The following ANKRD30BL variants were observed in gnomAD, a reference collection of about 807,000 sequenced individuals.
ANKRD30BL encodes ankyrin repeat domain 30B like.
A neutral mutation model predicts 18.4 loss-of-function variants in ANKRD30BL; 20 were observed. That is an observed-to-expected ratio of 1.09 (90% CI 0.77 to 1.58). ANKRD30BL has a LOEUF of 1.58. Among genes scored for constraint, ANKRD30BL ranks in the 40% most tolerant of loss-of-function variants. The pLI, the probability that ANKRD30BL is intolerant of heterozygous loss-of-function variation, is 0.00. For synonymous variants in ANKRD30BL, 72 were observed against 100.9 expected, an observed-to-expected ratio of 0.71 and a Z score of 1.72; for missense variants, 224 against 268.6, an observed-to-expected ratio of 0.83 and a Z score of 1.16.
chr2:132,222,222 G>GC (rs1679711803), intron 1 of ANKRD30BL, among the ~76,000 whole-genome samples: 1 of 146,908 alleles, frequency 6.8e-6, no homozygotes, highest in South Asian at 2.1e-4. Flanking sequence ...GGGGGGGTCA[G>GC]CCCCCCGCCC....
chr2:132,225,630 C>T (rs78320527), intron 1 of ANKRD30BL, among the ~76,000 whole-genome samples: 18 of 151,784 alleles, frequency 1.2e-4, no homozygotes, highest in African/African-American at 1.4e-4. Flanking sequence ...ATATTTGGAA[C>T]GCGTTGAGGC....
At chr2:132,159,349 T>C (rs780082591) in intron 1 of ANKRD30BL, among the ~76,000 whole-genome samples, 43 of 152,276 alleles carry the variant, frequency 2.8e-4, no homozygotes, top group Non-Finnish European at 6.0e-4. Context: ...TTTGAAAAGT[T>C]ATCTGCAACT....
At chr2:132,252,388 C>T (rs79155285) in intron 1 of ANKRD30BL, among the ~76,000 whole-genome samples, 1 of 152,236 alleles carries the variant, frequency 6.6e-6, no homozygotes, top group African/African-American at 2.4e-5. Context: ...CCAGAGCTGG[C>T]GGTGGGCACA....
At chr2:132,208,235 T>C (rs2104754143) in intron 1 of ANKRD30BL, among the ~76,000 whole-genome samples, 1 of 152,270 alleles carries the variant, frequency 6.6e-6, no homozygotes, top group Middle Eastern at 3.4e-3. Context: ...TTGCATTTTA[T>C]TTAGAATACA....
chr2:132,237,425 T>C (rs74508268), intron 1 of ANKRD30BL, among the ~76,000 whole-genome samples: 1 of 151,972 alleles, frequency 6.6e-6, no homozygotes, highest in South Asian at 2.1e-4. Context: ...GCATTGAGGA[T>C]TTCGTTGGAA....
intron 1 of ANKRD30BL, among the ~76,000 whole-genome samples, chr2:132,255,764 C>T (rs1211731064): frequency 2.0e-5 from 3 of 152,134 alleles, no homozygotes; most frequent in Non-Finnish European, 4.4e-5. Flanking sequence ...GCTCCTTCTC[C>T]AGAATTGAAC....
At chr2:132,194,205 C>G (rs1678918985) in intron 1 of ANKRD30BL, among the ~76,000 whole-genome samples, 1 of 152,146 alleles carries the variant, frequency 6.6e-6, no homozygotes, top group Admixed American at 6.6e-5. Flanking sequence ...TCTCATTAAC[C>G]TTCCTTTTCT....
At chr2:132,198,771 C>G (rs954996814) in intron 1 of ANKRD30BL, among the ~76,000 whole-genome samples, 3 of 152,068 alleles carry the variant, frequency 2.0e-5, no homozygotes, top group African/African-American at 7.2e-5. Flanking sequence ...GCGCCCACCA[C>G]CATGCACAGC....
chr2:132,161,271 C>T (rs1489724172), intron 1 of ANKRD30BL, among the ~76,000 whole-genome samples: 1 of 152,136 alleles, frequency 6.6e-6, no homozygotes, highest in Non-Finnish European at 1.5e-5. Context: ...TTAAGGTGGC[C>T]TGTGCCCTCC....
chr2:132,215,145 G>A (rs952588186), intron 1 of ANKRD30BL, among the ~76,000 whole-genome samples: 2 of 151,776 alleles, frequency 1.3e-5, no homozygotes, highest in Admixed American at 6.6e-5. Context: ...GTGGACATTT[G>A]GAGCGCTTTG....
chr2:132,167,245 T>C (rs1688202822), intron 1 of ANKRD30BL, among the ~76,000 whole-genome samples: 1 of 151,334 alleles, frequency 6.6e-6, no homozygotes, highest in Non-Finnish European at 1.5e-5. Context: ...TTTGTTGAAG[T>C]AGAATATAAA....
intron 1 of ANKRD30BL, among the ~76,000 whole-genome samples, chr2:132,248,523 C>T (rs1377873607): frequency 3.3e-5 from 5 of 152,044 alleles, no homozygotes; most frequent in African/African-American, 1.2e-4. Flanking sequence ...CCAAACTTCT[C>T]AATCAAAAGA....
intron 3 of ANKRD30BL, chr2:132,155,910 AAAG>A (rs1553469446): frequency 6.6e-6 from 1 of 151,796 alleles, no homozygotes; most frequent in Non-Finnish European, 1.5e-5. Flanking sequence ...AAAAAAAAAA[AAAG>A]AAGAAAAAAA....
intron 1 of ANKRD30BL, among the ~76,000 whole-genome samples, chr2:132,205,860 G>T (rs563064845): frequency 9.7e-4 from 148 of 151,846 alleles, no homozygotes; most frequent in African/African-American, 3.5e-3. Flanking sequence ...GTTGAAATGA[G>T]ATTTCAATGG....
rs188091311 is a variant in ANKRD30BL at position 132,169,602 on chromosome 2, G to A, written n.442-12456C>T. Among the ~76,000 whole-genome samples the A allele has an allele frequency of 3.6e-3, 491 of 136,922 alleles. 4 individuals carry two copies. Among genetic ancestry groups the A allele is most frequent in the African/African-American group, 0.013 (452 of 35,304 alleles). 89.8% of individuals were successfully genotyped at this position (136,922 alleles called of 152,430 possible). ...GCAGATGTTGCAGTGAGCCAAGATCGCACCACTGCACTCCAGCCTGGTGAC... is the reference window on the plus strand; with the variant it reads ...GCAGATGTTGCAGTGAGCCAAGATCACACCACTGCACTCCAGCCTGGTGAC... On this transcript the variant is annotated intron_variant and non_coding_transcript_variant, in intron 1 of 4. Transcript: ENST00000470729.
chr2:132,252,394 G>C (rs551029625), intron 1 of ANKRD30BL, among the ~76,000 whole-genome samples: 5 of 152,206 alleles, frequency 3.3e-5, no homozygotes, highest in African/African-American at 1.2e-4. Context: ...CTGGCGGTGG[G>C]CACACGATGG....
rs181124291 is a variant in ANKRD30BL at position 132,206,056 on chromosome 2, G to A, written n.442-48910C>T. 8.0e-3 allele frequency among the ~76,000 whole-genome samples: 1,219 copies of A among 152,168 alleles called. 11 individuals are homozygous for A. The highest frequency in any genetic ancestry group is 0.027 in the African/African-American group (1,137 of 41,526). On this transcript the variant is annotated intron_variant and non_coding_transcript_variant, in intron 1 of 4. Transcript: ENST00000470729. The stretch of plus-strand genomic sequence containing the variant: ...GCCTGTAATCCTAGCTACTTGGGAG[G>A]CTGAGACAGGAGAATCACTTGAACC...
intron 1 of ANKRD30BL, among the ~76,000 whole-genome samples, chr2:132,218,075 A>G (rs1679557485): frequency 6.6e-6 from 1 of 151,364 alleles, no homozygotes; most frequent in South Asian, 2.1e-4. Flanking sequence ...CTGCATGTGG[A>G]TATTTGGACC....
At chr2:132,194,111 C>T (rs1573829852) in intron 1 of ANKRD30BL, among the ~76,000 whole-genome samples, 1 of 152,022 alleles carries the variant, frequency 6.6e-6, no homozygotes, top group East Asian at 1.9e-4. Context: ...CCGATACTCT[C>T]TCTCTCTATT....
Sources: gnomAD v4.1 joint callset for allele counts (sites outside exome capture counted in the v4.1 genomes callset) on GRCh38, gnomAD v4.1.1 for gene constraint, MANE v1.5 for transcripts, NCBI Gene and HGNC (gene_info 2026-07-23, HGNC 2026-07-21) for gene names.